The following ATP2C1 variants were observed in gnomAD, a reference collection of about 807,000 sequenced individuals.
ATP2C1 encodes ATPase secretory pathway Ca2+ transporting 1, also known as calcium-transporting ATPase type 2C member 1.
In ATP2C1, 31 loss-of-function variants were observed where a neutral mutation model predicts 120.5. The observed-to-expected ratio is 0.26, with a 90% CI of 0.19 to 0.35. The LOEUF (loss-of-function observed/expected upper bound fraction) is 0.35, where lower values mean the gene tolerates loss of function less well. Among genes scored for constraint, ATP2C1 ranks in the 10% least tolerant of loss-of-function variants. The pLI is 1.00. For missense variants in ATP2C1, 731 were observed against 1,107.5 expected (o/e 0.66, Z 4.83); for synonymous variants, 351 against 358.7 (o/e 0.98, Z 0.24).
chr3:130,920,751 A>G (rs1160045508), intron 2 of ATP2C1, among the ~76,000 whole-genome samples: 3 of 152,220 alleles, frequency 2.0e-5, no homozygotes, highest in Admixed American at 1.3e-4. Context: ...CGTAGAATTT[A>G]TAGATCACTT....
chr3:130,857,139 T>C lies in ATP2C1; in HGVS notation c.108+6211T>C, dbSNP rs1170141425. 3.3e-5 allele frequency among the ~76,000 whole-genome samples: 5 copies of C among 152,226 alleles called. 1 individual carries two copies. The highest frequency in any genetic ancestry group is 3.3e-4 in the Admixed American group (5 of 15,278). On this transcript the variant is annotated intron_variant, in intron 1 of 26. Transcript: ENST00000504381. ...TAAAAGTGGAACTATTTTATTATGG[T>C]AATGACAACCTTTTCCTCTATCTGA...
chr3:131,002,851 T>C lies in ATP2C1; in HGVS notation c.*1501T>C. On this transcript the variant is annotated 3_prime_UTR_variant, in exon 28 of 28. Transcript: ENST00000510168. Reference sequence around the variant, plus strand: ...ACTGAGGCAGTTGAGTGTAAGGAGCTGGCTGCAGTTTATTCTACTTAACCC... The same window carrying C: ...ACTGAGGCAGTTGAGTGTAAGGAGCCGGCTGCAGTTTATTCTACTTAACCC... 1.0e-6 allele frequency: 1 copy of C among 985,834 alleles called. No homozygotes were observed. The highest frequency in any genetic ancestry group is 1.2e-6 in the Non-Finnish European group (1 of 829,922). The allele number at this position is 985,834 out of a possible 1,614,324, so 61.1% of individuals were successfully genotyped here.
rs73871744 is a variant in ATP2C1, at chr3:131,014,407, A to C, written c.2630-1745A>C. The C allele has an allele frequency of 7.1e-3, 10,924 of 1,542,008 alleles. 495 individuals carry two copies. In the African/African-American group the frequency reaches 0.11, roughly 16 times the overall value. On this transcript the variant is annotated intron_variant, in intron 26 of 26. Transcript: ENST00000328560. ...TACAGTCTGTTCAAAGCAAGAAAAA[A>C]GTATGTTGTTAAAGAAGTAATTCAG...
chr3:131,001,654 TAAC>T lies in ATP2C1; in HGVS notation c.*306_*308del, dbSNP rs2062890036. 1 of 1,074,016 alleles carries T rather than the reference TAAC, an allele frequency of 9.3e-7. No individual in the cohort carries two copies. The highest frequency in any genetic ancestry group is 1.7e-5 in the African/African-American group (1 of 59,400). 66.5% of individuals were successfully genotyped at this position (1,074,016 alleles called of 1,614,324 possible). On this transcript the variant is annotated 3_prime_UTR_variant, in exon 28 of 28. Coordinates refer to ENST00000510168, the MANE Select transcript of ATP2C1 (RefSeq NM_001378687.1). ...ACCACCTTCTGCACTTAAAGAAGTC[TAAC>T]AGTACAAATACACTATCTATCTTAG...
chr3:130,857,866 C>T lies in ATP2C1; in HGVS notation c.108+6938C>T, dbSNP rs149026543. 5.8e-3 allele frequency among the ~76,000 whole-genome samples: 881 copies of T among 152,206 alleles called. 9 individuals carry two copies. Among genetic ancestry groups the T allele is most frequent in the African/African-American group, 0.02 (810 of 41,526 alleles). ...CACAAGGTGAAATCCCACAATAGGC[C>T]GTTTGCAAGCTGAGGATCAAGGAAG... On this transcript the variant is annotated intron_variant, in intron 1 of 26. Coordinates refer to the ATP2C1 transcript ENST00000504381.
chr3:130,923,568 T>C (rs188445133), intron 2 of ATP2C1, among the ~76,000 whole-genome samples: 2 of 152,074 alleles, frequency 1.3e-5, no homozygotes, highest in Admixed American at 1.3e-4. Context: ...TTGTCTGATA[T>C]AAGAATAACT....
intron 2 of ATP2C1, among the ~76,000 whole-genome samples, chr3:130,916,842 G>T (rs1241033566): frequency 6.6e-6 from 1 of 151,544 alleles, no homozygotes; most frequent in Non-Finnish European, 1.5e-5. Flanking sequence ...GTGTTTTCTT[G>T]CCCACTTTTC....
intron 2 of ATP2C1, among the ~76,000 whole-genome samples, chr3:130,913,350 G>A (rs182881604): frequency 5.3e-5 from 8 of 152,238 alleles, no homozygotes; most frequent in African/African-American, 1.7e-4. Context: ...GGATAAGTAT[G>A]CTATTCAGTA....
At chr3:130,856,028 G>A (rs1297102230) in intron 1 of ATP2C1, 1 of 151,884 alleles carries the variant, frequency 6.6e-6, no homozygotes, top group African/African-American at 2.4e-5. Flanking sequence ...GATCTGACAA[G>A]TCTTGCCTGT....
At chr3:130,911,537 A>T (rs2058412286) in intron 2 of ATP2C1, among the ~76,000 whole-genome samples, 1 of 150,750 alleles carries the variant, frequency 6.6e-6, no homozygotes, top group African/African-American at 2.5e-5. Flanking sequence ...TTTAATTGTG[A>T]TGTTAGGGTG....
chr3:130,965,808 A>G (rs2061023317), intron 14 of ATP2C1, among the ~76,000 whole-genome samples: 1 of 152,036 alleles, frequency 6.6e-6, no homozygotes, highest in African/African-American at 2.4e-5. Flanking sequence ...CTTAGTCCTT[A>G]TCTTAGGTAA....
chr3:130,979,620 A>G (rs2061668535), intron 19 of ATP2C1, among the ~76,000 whole-genome samples: 1 of 152,206 alleles, frequency 6.6e-6, no homozygotes, highest in African/African-American at 2.4e-5. Context: ...TGACATGCAT[A>G]ACTAAATCAT....
At chr3:131,013,395 A>G (rs1162673144) in intron 26 of ATP2C1, among the ~76,000 whole-genome samples, 1 of 152,216 alleles carries the variant, frequency 6.6e-6, no homozygotes, top group African/African-American at 2.4e-5. Flanking sequence ...TCTGTAGTAT[A>G]AAGAGGGCAT....
intron 2 of ATP2C1, among the ~76,000 whole-genome samples, chr3:130,908,073 G>A (rs978142357): frequency 1.3e-5 from 2 of 152,052 alleles, no homozygotes; most frequent in African/African-American, 4.8e-5. Context: ...AGATTAGAGT[G>A]TAGTGATGAC....
chr3:130,893,847 C>T (rs1054967607), upstream of ATP2C1: 4 of 864,544 alleles, frequency 4.6e-6, no homozygotes, highest in African/African-American at 7.3e-5. Flanking sequence ...GGCCACCAAC[C>T]CCGAGCGACC....
chr3:130,885,048 C>T (rs2068926487), intron 1 of ATP2C1, among the ~76,000 whole-genome samples: 1 of 151,626 alleles, frequency 6.6e-6, no homozygotes, highest in Non-Finnish European at 1.5e-5. Flanking sequence ...ATTCTCCTGC[C>T]TCAGCCTCTG....
At chr3:130,934,213 G>A (rs916981693) in intron 4 of ATP2C1, among the ~76,000 whole-genome samples, 1 of 152,102 alleles carries the variant, frequency 6.6e-6, no homozygotes, top group Non-Finnish European at 1.5e-5. Flanking sequence ...CTACACCATT[G>A]TACTTGAGAA....
intron 1 of ATP2C1, among the ~76,000 whole-genome samples, chr3:130,875,720 C>A (rs2068579573): frequency 6.6e-6 from 1 of 152,196 alleles, no homozygotes; most frequent in Non-Finnish European, 1.5e-5. Flanking sequence ...AACGGCTGTA[C>A]AAATTTACAA....
chr3:130,954,200 T>C (rs1387976563), intron 9 of ATP2C1, among the ~76,000 whole-genome samples: 1 of 152,190 alleles, frequency 6.6e-6, no homozygotes, highest in Non-Finnish European at 1.5e-5. Flanking sequence ...CCTCAATACC[T>C]GTTTCTTTTT....
Sources: gnomAD v4.1 joint callset for allele counts (sites outside exome capture counted in the v4.1 genomes callset) on GRCh38, gnomAD v4.1.1 for gene constraint, MANE v1.5 for transcripts, NCBI Gene and HGNC (gene_info 2026-07-23, HGNC 2026-07-21) for gene names.